The following DSEL variants were observed in gnomAD, a reference collection of about 807,000 sequenced individuals.
DSEL encodes dermatan-sulfate epimerase-like protein.
Under a neutral mutation model 96.6 loss-of-function variants are expected in DSEL, and 61 were observed. The ratio of observed to expected loss-of-function variants is 0.63; its 90% CI spans 0.51 to 0.78. DSEL has a LOEUF of 0.78. Ranked by LOEUF, DSEL falls within the 30% of genes least tolerant of loss-of-function variation. The pLI is 0.00. For synonymous variants in DSEL, 514 were observed against 502.0 expected, an observed-to-expected ratio of 1.02 and a Z score of -0.32; for missense variants, 1,320 against 1,430.8, an observed-to-expected ratio of 0.92 and a Z score of 1.25.
Position 67,513,135 on chromosome 18 carries a change from G to C in DSEL, c.1474C>G (p.Pro492Ala), listed in dbSNP as rs1346525381. The change falls in exon 2 of 2, where the codon CCC becomes GCC. Residue 492 changes from proline (P) to alanine (A), a missense_variant. Coordinates refer to ENST00000310045, the MANE Select transcript of DSEL (RefSeq NM_032160.3). Reference protein sequence around the residue: ...QVFVSEALYGPKLSHLNNVLV... With the variant: ...QVFVSEALYGAKLSHLNNVLV... ...ACATTGTTAAGGTGGCTCAACTTGG[G>C]TCCATAGAGAGCTTCAGAAACAAAT... 1.2e-6 allele frequency: 2 copies of C among 1,614,148 alleles called. No homozygotes were observed. Among genetic ancestry groups the C allele is most frequent in the South Asian group, 1.1e-5 (1 of 91,086 alleles).
At position 67,514,729 on chromosome 18, in the gene DSEL, A is replaced by T. The variant is rs1400695358; in HGVS notation, c.-121T>A. The T allele has an allele frequency of 8.8e-7, 1 of 1,132,736 alleles. No homozygotes were observed. The highest frequency in any genetic ancestry group is 1.3e-6 in the Non-Finnish European group (1 of 793,288). The allele number at this position is 1,132,736 out of a possible 1,614,324, so 70.2% of individuals were successfully genotyped here. ...TGATAAGACAAAGACTGTAAATCTGATATGCTGTGAAATCCAGCTGACATT... is the reference window on the plus strand; with the variant it reads ...TGATAAGACAAAGACTGTAAATCTGTTATGCTGTGAAATCCAGCTGACATT... On this transcript the variant is annotated 5_prime_UTR_variant, in exon 2 of 2. Transcript: ENST00000310045.
At position 67,508,558 on chromosome 18, in the gene DSEL, A is replaced by G. The variant is rs1011208370; in HGVS notation, c.*2412T>C. 5.3e-5 allele frequency: 8 copies of G among 152,142 alleles called. No individual in the cohort carries two copies. Among genetic ancestry groups the G allele is most frequent in the African/African-American group, 1.9e-4 (8 of 41,406 alleles). The allele number at this position is 152,142 out of a possible 1,614,324, so 9.4% of individuals were successfully genotyped here. A position where few individuals can be genotyped will look rare whatever the true frequency, so the allele number is the denominator to read the frequency against. On this transcript the variant is annotated 3_prime_UTR_variant, in exon 2 of 2. Transcript: ENST00000310045. The stretch of plus-strand genomic sequence containing the variant: ...CATGTGGGGGTGAAAGCTGGGATAC[A>G]TTGTAAAGATCATTTTCGTAAGCCT...
Position 67,511,110 on chromosome 18 carries a change from A to G in DSEL, c.3499T>C (p.Tyr1167His). Reference protein sequence around the residue: ...ILFATSTNLFYLPYEGEISPT... With the variant: ...ILFATSTNLFHLPYEGEISPT... ...GATATTTCCCCTTCATAGGGAAGGT[A>G]AAAAAGGTTTGTAGAGGTGGCAAAC... Residue 1167 changes from tyrosine to histidine, a missense_variant, in exon 2 of 2, where the codon TAC becomes CAC. By Grantham distance (83) the Tyr-to-His change is moderately conservative. Around this residue, in one of 3 missense-constraint regions of DSEL, gnomAD observed 986 missense variants for 1,066.4 expected, o/e 0.92. Coordinates refer to ENST00000310045, the MANE Select transcript of DSEL (RefSeq NM_032160.3). 1.2e-6 allele frequency: 2 copies of G among 1,614,066 alleles called. No individual in the cohort carries two copies. Among genetic ancestry groups the G allele is most frequent in the Non-Finnish European group, 1.7e-6 (2 of 1,179,950 alleles).
At position 67,509,257 on chromosome 18, in the gene DSEL, C is replaced by G. The variant is rs1310776476; in HGVS notation, c.*1713G>C. ...TGCCCAATAATGGAAATAGTGTTAT[C>G]AACCATGTAGCATGCAATATTCATG... is the stretch of plus-strand genomic sequence containing the variant. On this transcript the variant is annotated 3_prime_UTR_variant, in exon 2 of 2. Transcript: ENST00000310045. The G allele has an allele frequency of 1.3e-5, 2 of 152,154 alleles. No homozygotes were observed. 9.4% of individuals were successfully genotyped at this position (152,154 alleles called of 1,614,324 possible). A position where few individuals can be genotyped will look rare whatever the true frequency, so the allele number is the denominator to read the frequency against.
rs1001904135 is a variant in DSEL, at chr18:67,515,018, T to C, written c.-410A>G. 2 of 196,958 alleles carry C rather than the reference T, an allele frequency of 1.0e-5. No homozygotes were observed. Among genetic ancestry groups the C allele is most frequent in the Non-Finnish European group, 1.1e-5 (1 of 88,250 alleles). The allele number at this position is 196,958 out of a possible 1,614,324, so 12.2% of individuals were successfully genotyped here. A position where few individuals can be genotyped will look rare whatever the true frequency, so the allele number is the denominator to read the frequency against. ...ACTCCAAAATTCAAATTAAGAGTCA[T>C]TTCTAGCACAGAAAACCATCACTGG... On this transcript the variant is annotated 5_prime_UTR_variant, in exon 2 of 2. The change abolishes an upstream ATG in the 5' untranslated region. Coordinates refer to ENST00000310045, the MANE Select transcript of DSEL (RefSeq NM_032160.3).
In DSEL at chr18:67,511,531, T is replaced by C; in HGVS notation, c.3078A>G (p.Ala1026=). The C allele has an allele frequency of 1.2e-6, 2 of 1,613,746 alleles. No individual in the cohort carries two copies. The highest frequency in any genetic ancestry group is 1.7e-6 in the Non-Finnish European group (2 of 1,179,958). The part of the protein sequence containing the change: ...FQEVLGASMR[A]LYIVRDPRAW... ...CCCGAGGGTCTCTTACTATGTACAA[T>C]GCCCTCATCGAAGCTCCTAAAACTT... Residue 1026 remains alanine, a synonymous_variant, in exon 2 of 2, where the codon GCA becomes GCG. Transcript: ENST00000310045.
Position 67,510,906 on chromosome 18 carries a change from GA to G in DSEL, c.*63del. On this transcript the variant is annotated 3_prime_UTR_variant, in exon 2 of 2. Coordinates refer to ENST00000310045, the MANE Select transcript of DSEL (RefSeq NM_032160.3). ...CACTAAAGAATAAACAAACTCTTCT[GA>G]TTCATATCCACAAAGTGGGTTGGTA... 2 of 1,359,178 alleles carry G rather than the reference GA, an allele frequency of 1.5e-6. No homozygotes were observed. The highest frequency in any genetic ancestry group is 2.0e-6 in the Non-Finnish European group (2 of 995,214). The allele number at this position is 1,359,178 out of a possible 1,614,324, so 84.2% of individuals were successfully genotyped here. A position where few individuals can be genotyped will look rare whatever the true frequency, so the allele number is the denominator to read the frequency against.
intron 1 of DSEL, among the ~76,000 whole-genome samples, chr18:67,515,751 A>G (rs1424321133): frequency 1.3e-5 from 2 of 152,248 alleles, no homozygotes; most frequent in Non-Finnish European, 2.9e-5. Flanking sequence ...CTCTCCCGAC[A>G]ATATCTATAG....
chr18:67,508,350 C>A lies in DSEL; in HGVS notation c.*2620G>T, dbSNP rs1021075825. 1.3e-5 allele frequency: 2 copies of A among 152,198 alleles called. No homozygotes were observed. Among genetic ancestry groups the A allele is most frequent in the African/African-American group, 2.4e-5 (1 of 41,426 alleles). The allele number at this position is 152,198 out of a possible 1,614,324, so 9.4% of individuals were successfully genotyped here. A position where few individuals can be genotyped will look rare whatever the true frequency, so the allele number is the denominator to read the frequency against. On this transcript the variant is annotated 3_prime_UTR_variant, in exon 2 of 2. Coordinates refer to ENST00000310045, the MANE Select transcript of DSEL (RefSeq NM_032160.3). Reference sequence around the variant, plus strand: ...TCAGGCACCATCACATGCATACATACCCAATGGATGTGTCACCCGCTCACC... The same window carrying A: ...TCAGGCACCATCACATGCATACATAACCAATGGATGTGTCACCCGCTCACC...
In DSEL at chr18:67,516,017, A is replaced by AATC. The variant is rs1358144960; in HGVS notation, c.-885+341_-885+343dup. Among the ~76,000 whole-genome samples, 1 of 152,034 alleles carries AATC rather than the reference A, an allele frequency of 6.6e-6. No individual in the cohort carries two copies. The highest frequency in any genetic ancestry group is 2.4e-5 in the African/African-American group (1 of 41,472). ...CACTTTTCTCGGCGGGGTAACCGCGAATCGTGACCAGGCGCCAAGCCGAGG... is the reference window on the plus strand; with the variant it reads ...CACTTTTCTCGGCGGGGTAACCGCGAATCATCGTGACCAGGCGCCAAGCCGAGG... On this transcript the variant is annotated intron_variant, in intron 1 of 1. Coordinates refer to ENST00000310045, the MANE Select transcript of DSEL (RefSeq NM_032160.3). The surrounding 1 kb of genome is among the most constrained non-coding windows in gnomAD (Gnocchi z 5.6).
Position 67,509,168 on chromosome 18 carries a change from C to CT in DSEL, c.*1801dup, listed in dbSNP as rs2089427552. 1 of 152,194 alleles carries CT rather than the reference C, an allele frequency of 6.6e-6. No homozygotes were observed. Among genetic ancestry groups the CT allele is most frequent in the South Asian group, 2.1e-4 (1 of 4,824 alleles). 9.4% of individuals were successfully genotyped at this position (152,194 alleles called of 1,614,324 possible). A position where few individuals can be genotyped will look rare whatever the true frequency, so the allele number is the denominator to read the frequency against. Reference sequence around the variant, plus strand: ...GATCTAATACTACTGACAATCCAGACTTTTTATATGTGATCTGATTCACGA... The same window carrying CT: ...GATCTAATACTACTGACAATCCAGACTTTTTTATATGTGATCTGATTCACGA... On this transcript the variant is annotated 3_prime_UTR_variant, in exon 2 of 2. Coordinates refer to ENST00000310045, the MANE Select transcript of DSEL (RefSeq NM_032160.3).
Position 67,511,384 on chromosome 18 carries a change from C to T in DSEL, c.3225G>A (p.Ser1075=), listed in dbSNP as rs779836111. Residue 1075 remains serine (S), a synonymous_variant, in exon 2 of 2, where the codon TCG becomes TCA. Transcript: ENST00000310045. ...ATGGTTCATACTCGAAAGCATAACC[C>T]GAATTTAAGTTACATTTGCCTTTAC... The part of the protein sequence containing the change: ...EGGKGKCNLN[S]GYAFEYEPLR... The T allele has an allele frequency of 8.1e-6, 13 of 1,603,024 alleles. No homozygotes were observed. The South Asian group carries it at 9.9e-5, about 12-fold the overall frequency.
In DSEL at chr18:67,509,560, C is replaced by T. The variant is rs1012660514; in HGVS notation, c.*1410G>A. 1.3e-5 allele frequency: 2 copies of T among 152,168 alleles called. No homozygotes were observed. Among genetic ancestry groups the T allele is most frequent in the Admixed American group, 1.3e-4 (2 of 15,278 alleles). 9.4% of individuals were successfully genotyped at this position (152,168 alleles called of 1,614,324 possible). On this transcript the variant is annotated 3_prime_UTR_variant, in exon 2 of 2. Coordinates refer to ENST00000310045, the MANE Select transcript of DSEL (RefSeq NM_032160.3). ...GAATCTAACATATACAGAGCTTTAT[C>T]ACTCTGGAGGCACATTTTGACATAA...
rs1204784177 is a variant in DSEL at position 67,513,632 on chromosome 18, G to A, written c.977C>T (p.Thr326Ile). Residue 326 changes from threonine to isoleucine, a missense_variant, in exon 2 of 2, where the codon ACT becomes ATT. Physicochemically the swap from Thr to Ile is moderately conservative, Grantham distance 89. Around this residue, in one of 3 missense-constraint regions of DSEL, gnomAD observed 986 missense variants for 1,066.4 expected, o/e 0.92. Transcript: ENST00000310045. The part of the protein sequence containing the change: ...YATLLPGFQR[T>I]VGIADSNYNW... ...ATAATTGGAATCTGCTATACCCACAGTTCTTTGGAAGCCAGGTAAAAGGGT... is the reference window on the plus strand; with the variant it reads ...ATAATTGGAATCTGCTATACCCACAATTCTTTGGAAGCCAGGTAAAAGGGT... 6.2e-7 allele frequency: 1 copy of A among 1,614,064 alleles called. No individual in the cohort carries two copies. The highest frequency in any genetic ancestry group is 1.3e-5 in the African/African-American group (1 of 74,924).
Position 67,514,431 on chromosome 18 carries a change from T to A in DSEL, c.178A>T (p.Met60Leu), listed in dbSNP as rs149349852. ...TCAAAATATAAACTTGGATGAAGCA[T>A]ACTTTTCTTCAGCTTTTGGTTGGGT... The part of the protein sequence containing the change: ...FRPNQKLKKS[M>L]LHPSLYFDAG... Residue 60 changes from methionine to leucine, a missense_variant, in exon 2 of 2, where the codon ATG (methionine) becomes TTG (leucine). Transcript: ENST00000310045. 4.8e-5 allele frequency: 77 copies of A among 1,614,038 alleles called. No individual in the cohort carries two copies. In the African/African-American group the frequency reaches 8.5e-4, roughly 18 times the overall value.
chr18:67,511,874 C>A lies in DSEL; in HGVS notation c.2735G>T (p.Arg912Leu), dbSNP rs370656893. 2.5e-6 allele frequency: 4 copies of A among 1,614,156 alleles called. No individual in the cohort carries two copies. The highest frequency in any genetic ancestry group is 2.2e-5 in the East Asian group (1 of 44,880). ...TCGGAGTAAACGAAAATGCCCACTGCGGATATCTGACACCTTCCATTCACA... is the reference window on the plus strand; with the variant it reads ...TCGGAGTAAACGAAAATGCCCACTGAGGATATCTGACACCTTCCATTCACA... ...DACEWKVSDIRSGHFRLLRGW... is the reference protein window; with the variant it reads ...DACEWKVSDILSGHFRLLRGW... The change falls in exon 2 of 2, where the codon CGC becomes CTC. Residue 912 changes from arginine to leucine, a missense_variant. Coordinates refer to ENST00000310045, the MANE Select transcript of DSEL (RefSeq NM_032160.3).
At position 67,514,055 on chromosome 18, in the gene DSEL, T is replaced by C. The variant is rs1598980021; in HGVS notation, c.554A>G (p.Tyr185Cys). ...TGFATAFDFL[Y>C]NLLDNHRRQK... ...TCTTCGATGATTATCTAATAAGTTA[T>C]ATAAAAAGTCAAAGGCAGTGGCAAA... Residue 185 changes from tyrosine to cysteine, a missense_variant, in exon 2 of 2, where the codon TAT becomes TGT. Tyr to Cys is a radical substitution (Grantham distance 194). Around this residue, in one of 3 missense-constraint regions of DSEL, gnomAD observed 323 missense variants for 333.1 expected, o/e 0.97. Transcript: ENST00000310045. The C allele has an allele frequency of 6.2e-7, 1 of 1,614,140 alleles. No individual in the cohort carries two copies. The highest frequency in any genetic ancestry group is 1.1e-5 in the South Asian group (1 of 91,086).
chr18:67,512,763 A>G lies in DSEL; in HGVS notation c.1846T>C (p.Phe616Leu). Residue 616 changes from phenylalanine to leucine, a missense_variant, in exon 2 of 2, where the codon TTT (phenylalanine) becomes CTT (leucine). Around this residue, in one of 3 missense-constraint regions of DSEL, gnomAD observed 986 missense variants for 1,066.4 expected, o/e 0.92. Transcript: ENST00000310045. ...ATGGCACCATTATACCTATTCATAA[A>G]CTTATATGGGATATATTTAAAATCA... ...DIDFKYIPYK[F>L]MNRYNGAMMD... The G allele has an allele frequency of 6.2e-7, 1 of 1,613,986 alleles. No individual in the cohort carries two copies. The highest frequency in any genetic ancestry group is 8.5e-7 in the Non-Finnish European group (1 of 1,179,952).
At position 67,511,940 on chromosome 18, in the gene DSEL, A is replaced by G. The variant is rs374634928; in HGVS notation, c.2669T>C (p.Ile890Thr). Residue 890 changes from isoleucine (I) to threonine (T), a missense_variant, in exon 2 of 2, where the codon ATT (isoleucine) becomes ACT (threonine). Physicochemically the swap from Ile to Thr is moderately conservative, Grantham distance 89. Transcript: ENST00000310045. ...YIRVPTAYID[I>T]PETELEIDSF... is the part of the protein sequence containing the mutation. The stretch of plus-strand genomic sequence containing the variant: ...GTCGATTTCCAACTCAGTTTCAGGA[A>G]TATCAATGTAGGCTGTAGGAACCCT... The G allele has an allele frequency of 3.7e-6, 6 of 1,614,088 alleles. No homozygotes were observed. In the African/African-American group the frequency reaches 4.0e-5, roughly 11 times the overall value.
Sources: allele counts gnomAD v4.1 joint callset (sites outside exome capture counted in the v4.1 genomes callset), GRCh38; gene constraint gnomAD v4.1.1; regional missense constraint gnomAD v4.1.1; non-coding constraint Gnocchi (gnomAD v3.1); transcripts MANE v1.5; gene names NCBI Gene and HGNC (gene_info 2026-07-23, HGNC 2026-07-21).